The following VWC2L variants were observed in gnomAD, a reference collection of about 807,000 sequenced individuals.
The protein encoded by VWC2L is von Willebrand factor C domain-containing protein 2-like.
In VWC2L, 10 loss-of-function variants were observed where a neutral mutation model predicts 21.6. That is an observed-to-expected ratio of 0.46 (90% CI 0.29 to 0.78). The LOEUF (loss-of-function observed/expected upper bound fraction) is 0.78. Among genes scored for constraint, VWC2L ranks in the 30% least tolerant of loss-of-function variants. The pLI is 0.10. For missense variants in VWC2L, 209 were observed against 277.1 expected, an observed-to-expected ratio of 0.75 and a Z score of 1.74; for synonymous variants, 96 against 94.3, an observed-to-expected ratio of 1.02 and a Z score of -0.10.
Position 214,472,180 on chromosome 2 carries a change from AGATT to A in VWC2L, c.520+35423_520+35426del, listed in dbSNP as rs973392341. On this transcript the variant is annotated intron_variant, in intron 3 of 3. Transcript: ENST00000312504. ...ACATTGGCTTGAATTGAGAATAAAC[AGATT>A]CCTGCAGCAATGCCCCTAACCAGAA... 5 of 152,296 alleles carry A rather than the reference AGATT, an allele frequency of 3.3e-5. No homozygotes were observed. The South Asian group carries it at 8.3e-4, about 25-fold the overall frequency. 9.4% of individuals were successfully genotyped at this position (152,296 alleles called of 1,614,324 possible). A position where few individuals can be genotyped will look rare whatever the true frequency, so the allele number is the denominator to read the frequency against.
rs1703103632 is a variant in VWC2L at position 214,459,333 on chromosome 2, C to T, written c.520+22575C>T. On this transcript the variant is annotated intron_variant, in intron 3 of 3. Transcript: ENST00000312504. Reference sequence around the variant, plus strand: ...GGGGAAGTGGGTTTCTTTTAGGCAGCACATAGTCTGATCACATTTTTTAAA... The same window carrying T: ...GGGGAAGTGGGTTTCTTTTAGGCAGTACATAGTCTGATCACATTTTTTAAA... Among the ~76,000 whole-genome samples, 3 of 152,160 alleles carry T rather than the reference C, an allele frequency of 2.0e-5. No individual in the cohort carries two copies. The South Asian group carries it at 6.2e-4, about 31-fold the overall frequency.
intron 3 of VWC2L, among the ~76,000 whole-genome samples, chr2:214,483,868 G>C (rs1300294392): frequency 1.3e-5 from 2 of 152,124 alleles, no homozygotes; most frequent in African/African-American, 4.8e-5. Context: ...GCCATATCAA[G>C]GTACCATGAA....
At chr2:214,550,147 C>T (rs897585122) in intron 3 of VWC2L, among the ~76,000 whole-genome samples, 5 of 152,162 alleles carry the variant, frequency 3.3e-5, no homozygotes, top group African/African-American at 1.2e-4. Context: ...TGCTCAAATG[C>T]TCCAGAAAGA....
chr2:214,457,384 C>G (rs920268441), intron 3 of VWC2L, among the ~76,000 whole-genome samples: 3 of 152,020 alleles, frequency 2.0e-5, no homozygotes, highest in African/African-American at 7.2e-5. Context: ...TGCAATTTAT[C>G]AGATCCAAAA....
chr2:214,526,686 CAT>C (rs1479359568), intron 3 of VWC2L, among the ~76,000 whole-genome samples: 2 of 152,202 alleles, frequency 1.3e-5, no homozygotes, highest in Non-Finnish European at 2.9e-5. Context: ...CTAATTACCA[CAT>C]GTTAGCCAGC....
chr2:214,535,622 G>T (rs574447968), intron 3 of VWC2L, among the ~76,000 whole-genome samples: 1 of 152,056 alleles, frequency 6.6e-6, no homozygotes, highest in African/African-American at 2.4e-5. Context: ...ATAAACAAAA[G>T]GGTGATCCTT....
At chr2:214,484,128 G>A (rs1688644106) in intron 3 of VWC2L, among the ~76,000 whole-genome samples, 1 of 152,076 alleles carries the variant, frequency 6.6e-6, no homozygotes, top group Non-Finnish European at 1.5e-5. Flanking sequence ...CTGCGTGTCT[G>A]CTTTTCCTTT....
At chr2:214,545,500 T>C (rs2105922745) in intron 3 of VWC2L, among the ~76,000 whole-genome samples, 1 of 152,318 alleles carries the variant, frequency 6.6e-6, no homozygotes, top group South Asian at 2.1e-4. Flanking sequence ...TGTTCAAGTA[T>C]CTGTGACAGT....
At chr2:214,500,716 A>G (rs1341583481) in intron 3 of VWC2L, among the ~76,000 whole-genome samples, 1 of 152,160 alleles carries the variant, frequency 6.6e-6, no homozygotes, top group South Asian at 2.1e-4. Flanking sequence ...CCTTAACAAG[A>G]TCAGAGTTCT....
chr2:214,437,837 T>A (rs963509541), intron 3 of VWC2L, among the ~76,000 whole-genome samples: 3 of 152,130 alleles, frequency 2.0e-5, no homozygotes, highest in African/African-American at 7.2e-5. Context: ...TGATAATAAT[T>A]TTTTTGTGTT....
At chr2:214,455,164 T>C (rs1219806033) in intron 3 of VWC2L, among the ~76,000 whole-genome samples, 2 of 152,298 alleles carry the variant, frequency 1.3e-5, no homozygotes, top group East Asian at 3.9e-4. Context: ...TACATATATA[T>C]GTTAAATGTT....
chr2:214,509,611 C>G (rs918112424), intron 3 of VWC2L, among the ~76,000 whole-genome samples: 16 of 152,142 alleles, frequency 1.1e-4, no homozygotes, highest in African/African-American at 3.6e-4. Context: ...CAGTCATTTT[C>G]AGGTATCCTC....
intron 3 of VWC2L, among the ~76,000 whole-genome samples, chr2:214,538,136 G>C (rs1281452321): frequency 6.6e-6 from 1 of 152,006 alleles, no homozygotes; most frequent in Admixed American, 6.6e-5. Context: ...GTATCCTAGT[G>C]TCGGCATGAC....
At chr2:214,511,925 C>T (rs199922272) in intron 3 of VWC2L, among the ~76,000 whole-genome samples, 106,596 of 146,058 alleles carry the variant, frequency 0.73, 40,326 homozygotes, top group East Asian at 0.98. Context: ...CATATACACA[C>T]ACACACACAC....
rs769218522 is a variant in VWC2L at position 214,575,758 on chromosome 2, G to A, written c.607G>A (p.Gly203Arg). ...DECNICHCHN[G>R]DWWKPAQCSK... Reference sequence around the variant, plus strand: ...ATGTAACATCTGTCATTGTCACAACGGGGACTGGTGGAAGCCTGCTCAGTG... The same window carrying A: ...ATGTAACATCTGTCATTGTCACAACAGGGACTGGTGGAAGCCTGCTCAGTG... The change falls in exon 4 of 4, where the codon GGG (glycine) becomes AGG (arginine). Residue 203 changes from glycine (G) to arginine (R), a missense_variant. Gly to Arg is a moderately radical substitution (Grantham distance 125, BLOSUM62 -2). Transcript: ENST00000312504. 46 of 1,613,410 alleles carry A rather than the reference G, an allele frequency of 2.9e-5. No individual in the cohort carries two copies. Among genetic ancestry groups the A allele is most frequent in the South Asian group, 1.9e-4 (17 of 91,070 alleles).
At chr2:214,442,208 A>G (rs541179899) in intron 3 of VWC2L, among the ~76,000 whole-genome samples, 19 of 152,170 alleles carry the variant, frequency 1.2e-4, no homozygotes, top group African/African-American at 4.3e-4. Context: ...CTGTGCCCGG[A>G]CAATAAGATA....
At chr2:214,497,876 T>G (rs1477998031) in intron 3 of VWC2L, among the ~76,000 whole-genome samples, 2 of 152,256 alleles carry the variant, frequency 1.3e-5, no homozygotes, top group African/African-American at 4.8e-5. Context: ...TCATAACTTC[T>G]GTTAAATCTG....
chr2:214,533,695 T>G (rs1180805543), intron 3 of VWC2L, among the ~76,000 whole-genome samples: 3 of 152,136 alleles, frequency 2.0e-5, no homozygotes, highest in African/African-American at 4.8e-5. Flanking sequence ...TTCTCTGATT[T>G]AAGGAATTTC....
At chr2:214,557,980 T>C (rs888657525) in intron 3 of VWC2L, among the ~76,000 whole-genome samples, 53 of 152,228 alleles carry the variant, frequency 3.5e-4, no homozygotes, top group African/African-American at 1.3e-3. Context: ...CAGCTTTTAC[T>C]TCCCATCCAT....
Sources: gnomAD v4.1 joint callset for allele counts (sites outside exome capture counted in the v4.1 genomes callset) on GRCh38, gnomAD v4.1.1 for gene constraint, MANE v1.5 for transcripts, NCBI Gene and HGNC (gene_info 2026-07-23, HGNC 2026-07-21) for gene names.